The following NPSR1 variants were observed in gnomAD, a reference collection of about 807,000 sequenced individuals.
The protein encoded by NPSR1 is neuropeptide S receptor 1.
Under a neutral mutation model 46.9 loss-of-function variants are expected in NPSR1, and 48 were observed. The observed-to-expected ratio is 1.02, with a 90% CI of 0.81 to 1.30. The LOEUF (loss-of-function observed/expected upper bound fraction) is 1.30, where lower values mean the gene tolerates loss of function less well. NPSR1 is among the 50% of genes most tolerant of loss of function. The probability of loss-of-function intolerance (pLI) is 0.00; values close to 1 mark genes in which losing one functional copy is unlikely to be tolerated. For synonymous variants in NPSR1, 176 were observed against 168.1 expected, an observed-to-expected ratio of 1.05 and a Z score of -0.36; for missense variants, 450 against 449.5, an observed-to-expected ratio of 1.00 and a Z score of -0.01.
chr7:34,842,753 T>C (rs1790614802), intron 6 of NPSR1, among the ~76,000 whole-genome samples: 1 of 152,220 alleles, frequency 6.6e-6, no homozygotes, highest in South Asian at 2.1e-4. Flanking sequence ...TGAAAATCAT[T>C]TGTCCTCTGC....
chr7:34,723,591 T>C (rs1305704395), intron 2 of NPSR1, among the ~76,000 whole-genome samples: 1 of 152,068 alleles, frequency 6.6e-6, no homozygotes, highest in Non-Finnish European at 1.5e-5. Flanking sequence ...TAGCAGACAT[T>C]TGAAGTAGAA....
At chr7:34,843,591 G>A (rs1182982321) in intron 6 of NPSR1, among the ~76,000 whole-genome samples, 1 of 152,200 alleles carries the variant, frequency 6.6e-6, no homozygotes, top group East Asian at 1.9e-4. Context: ...ATGCTGGATT[G>A]AAAATTCTTA....
chr7:34,694,101 G>A (rs1253097276), intron 2 of NPSR1, among the ~76,000 whole-genome samples: 1 of 152,144 alleles, frequency 6.6e-6, no homozygotes, highest in East Asian at 1.9e-4. Flanking sequence ...CAATGAGGAT[G>A]TCCACATTCA....
intron 2 of NPSR1, among the ~76,000 whole-genome samples, chr7:34,706,979 A>T (rs1158636948): frequency 6.6e-6 from 1 of 152,118 alleles, no homozygotes; most frequent in South Asian, 2.1e-4. Context: ...TCATTGAGAA[A>T]ATCAGTTTCT....
At chr7:34,835,767 T>G (rs1324586485) in intron 6 of NPSR1, among the ~76,000 whole-genome samples, 2 of 152,196 alleles carry the variant, frequency 1.3e-5, no homozygotes, top group Non-Finnish European at 2.9e-5. Context: ...AAAGAATGAA[T>G]AGCATGGTTC....
At chr7:34,791,034 A>AT (rs1562730619) in intron 3 of NPSR1, among the ~76,000 whole-genome samples, 5 of 121,546 alleles carry the variant, frequency 4.1e-5, no homozygotes, top group African/African-American at 1.7e-4. Flanking sequence ...TATATGTTAT[A>AT]TATTATATTA....
rs560187829 is a variant in NPSR1, at chr7:34,768,816, T to G, written c.281-9646T>G. Among the ~76,000 whole-genome samples, 3 of 152,158 alleles carry G rather than the reference T, an allele frequency of 2.0e-5. No individual in the cohort carries two copies. In the East Asian group the frequency reaches 5.8e-4, roughly 29 times the overall value. ...ATAATAGTAAGAATACAGAGAGGATTCAAATTTGAGATCTACTTAATAAGG... is the reference window on the plus strand; with the variant it reads ...ATAATAGTAAGAATACAGAGAGGATGCAAATTTGAGATCTACTTAATAAGG... On this transcript the variant is annotated intron_variant, in intron 2 of 8. Coordinates refer to ENST00000360581, the MANE Select transcript of NPSR1 (RefSeq NM_207172.2).
intron 2 of NPSR1, among the ~76,000 whole-genome samples, chr7:34,749,085 G>A (rs1219848898): frequency 6.6e-6 from 1 of 151,898 alleles, no homozygotes; most frequent in Non-Finnish European, 1.5e-5. Context: ...CAGGCGCCAT[G>A]CCCCCTGAAT....
intron 2 of NPSR1, among the ~76,000 whole-genome samples, chr7:34,742,016 C>T (rs1486085633): frequency 1.3e-5 from 2 of 152,216 alleles, no homozygotes; most frequent in African/African-American, 2.4e-5. Flanking sequence ...AAATCAATTG[C>T]ACCTTTTTTT....
Position 34,658,494 on chromosome 7 carries a change from GA to G in NPSR1, c.85del (p.Thr29GlnfsTer2), listed in dbSNP as rs1791292917. ...GGATTCTTCCCCAGTGGCTTGCACT[GA>G]AACAGTGACTTTTACTGAAGTGGTG... ...TLDSSPVACTETVTFTEVVEG... is the reference protein window; with the variant it reads ...TLDSSPVACTXTVTFTEVVEG... On this transcript the variant is annotated frameshift_variant, in exon 1 of 9. Coordinates refer to ENST00000360581, the MANE Select transcript of NPSR1 (RefSeq NM_207172.2). LOFTEE classifies it high-confidence loss of function. 10 of 1,614,066 alleles carry G rather than the reference GA, an allele frequency of 6.2e-6. No individual in the cohort carries two copies. In the East Asian group the frequency reaches 2.2e-4, roughly 36 times the overall value.
intron 1 of NPSR1, among the ~76,000 whole-genome samples, chr7:34,683,691 G>C (rs1792776770): frequency 1.3e-5 from 2 of 151,788 alleles, no homozygotes; most frequent in African/African-American, 4.8e-5. Flanking sequence ...GGTGAGAGAG[G>C]GACAAGGGAG....
intron 8 of NPSR1, among the ~76,000 whole-genome samples, chr7:34,871,234 G>C (rs1791445753): frequency 6.6e-6 from 1 of 151,684 alleles, no homozygotes; most frequent in Non-Finnish European, 1.5e-5. Flanking sequence ...GCAAGAGAGA[G>C]AGGGAGGAGG....
rs324397 is a variant in NPSR1, at chr7:34,748,886, C to T, written c.281-29576C>T. On this transcript the variant is annotated intron_variant, in intron 2 of 8. Coordinates refer to ENST00000360581, the MANE Select transcript of NPSR1 (RefSeq NM_207172.2). Reference sequence around the variant, plus strand: ...CATTGCATTCATCTTCCCCCCAGTACCTGAATCTGTGACCAATGGAACTGA... The same window carrying T: ...CATTGCATTCATCTTCCCCCCAGTATCTGAATCTGTGACCAATGGAACTGA... 7.4e-3 allele frequency among the ~76,000 whole-genome samples: 1,129 copies of T among 151,950 alleles called. 14 individuals are homozygous for T. The highest frequency in any genetic ancestry group is 0.026 in the African/African-American group (1,063 of 41,474).
intron 1 of NPSR1, among the ~76,000 whole-genome samples, chr7:34,661,704 A>T (rs1172559028): frequency 6.6e-6 from 1 of 152,090 alleles, no homozygotes; most frequent in Non-Finnish European, 1.5e-5. Context: ...CCCATCTTCC[A>T]CCATGGGCCT....
intron 5 of NPSR1, among the ~76,000 whole-genome samples, chr7:34,830,295 G>A (rs1004322709): frequency 5.3e-5 from 8 of 152,046 alleles, no homozygotes; most frequent in Admixed American, 2.6e-4. Context: ...GTGTTCACTC[G>A]TGTTCACCAT....
At chr7:34,794,381 T>G (rs1788078025) in intron 3 of NPSR1, among the ~76,000 whole-genome samples, 1 of 151,932 alleles carries the variant, frequency 6.6e-6, no homozygotes, top group African/African-American at 2.4e-5. Flanking sequence ...AAAATAAAAT[T>G]TTAGAAACGT....
chr7:34,760,851 A>T (rs1786136854), intron 2 of NPSR1, among the ~76,000 whole-genome samples: 3 of 152,158 alleles, frequency 2.0e-5, no homozygotes, highest in Non-Finnish European at 4.4e-5. Context: ...CCTCAATAAC[A>T]TCTCTACAAA....
intron 2 of NPSR1, among the ~76,000 whole-genome samples, chr7:34,741,563 T>C (rs752973149): frequency 5.9e-5 from 9 of 152,176 alleles, no homozygotes; most frequent in Non-Finnish European, 1.2e-4. Context: ...GGAAGCTCTA[T>C]GACCCTGGGA....
intron 1 of NPSR1, among the ~76,000 whole-genome samples, chr7:34,679,077 A>T (rs1027103370): frequency 6.6e-6 from 1 of 152,220 alleles, no homozygotes; most frequent in Admixed American, 6.5e-5. Context: ...CTTAAAAATT[A>T]AGCATTCAAT....
Sources: allele counts gnomAD v4.1 joint callset (sites outside exome capture counted in the v4.1 genomes callset), GRCh38; gene constraint gnomAD v4.1.1; transcripts MANE v1.5; gene names NCBI Gene and HGNC (gene_info 2026-07-23, HGNC 2026-07-21).